The following TANC2 variants were observed in gnomAD, a reference collection of about 807,000 sequenced individuals.
The protein encoded by TANC2 is protein TANC2.
A neutral mutation model predicts 210.5 loss-of-function variants in TANC2; 26 were observed. The ratio of observed to expected loss-of-function variants is 0.12; its 90% CI spans 0.09 to 0.17. The LOEUF is 0.17. Among genes scored for constraint, TANC2 ranks in the 10% least tolerant of loss-of-function variants. TANC2 has a pLI of 1.00. For synonymous variants in TANC2, 931 were observed against 967.1 expected (o/e 0.96, Z 0.69); for missense variants, 2,129 against 2,608.9 (o/e 0.82, Z 4.01).
intron 8 of TANC2, among the ~76,000 whole-genome samples, chr17:63,239,953 G>T (rs1239863322): frequency 6.6e-6 from 1 of 152,056 alleles, no homozygotes; most frequent in African/African-American, 2.4e-5. Flanking sequence ...ACTTTTAAAT[G>T]ACCCATTCTC....
intron 3 of TANC2, among the ~76,000 whole-genome samples, chr17:63,098,862 A>G (rs78652019): frequency 1.0e-4 from 9 of 87,412 alleles, no homozygotes; most frequent in Non-Finnish European, 2.1e-4. Flanking sequence ...GTCTTATCAG[A>G]AAAAAAAGTA....
At chr17:63,086,429 C>T (rs2036966762) in intron 3 of TANC2, among the ~76,000 whole-genome samples, 1 of 152,002 alleles carries the variant, frequency 6.6e-6, no homozygotes, top group Non-Finnish European at 1.5e-5. Flanking sequence ...TTTTTATTGA[C>T]ATATCCTGAA....
intron 4 of TANC2, among the ~76,000 whole-genome samples, chr17:63,145,538 A>G (rs752164453): frequency 5.3e-5 from 8 of 152,086 alleles, no homozygotes; most frequent in Non-Finnish European, 4.4e-5. Flanking sequence ...GAGTTTTACA[A>G]TTTTAGCTCT....
chr17:62,970,590 C>T (rs1442344853), intron 1 of TANC2, among the ~76,000 whole-genome samples: 2 of 152,098 alleles, frequency 1.3e-5, no homozygotes, highest in Non-Finnish European at 2.9e-5. Flanking sequence ...GTATACTAAT[C>T]CAGTCATTTC....
chr17:63,293,295 A>T (rs1412554179), intron 9 of TANC2, among the ~76,000 whole-genome samples: 2 of 152,220 alleles, frequency 1.3e-5, no homozygotes, highest in Non-Finnish European at 2.9e-5. Context: ...TTTGGTGCTA[A>T]TGTGATACCA....
chr17:63,041,735 CAT>C (rs1388040592), intron 2 of TANC2, among the ~76,000 whole-genome samples: 4 of 152,174 alleles, frequency 2.6e-5, no homozygotes, highest in East Asian at 1.9e-4. Flanking sequence ...TAATGAATAA[CAT>C]AATTTCAGAA....
intron 15 of TANC2, among the ~76,000 whole-genome samples, chr17:63,384,477 T>C (rs568154099): frequency 2.0e-5 from 3 of 152,220 alleles, no homozygotes; most frequent in East Asian, 3.9e-4. Context: ...TACACACATA[T>C]ATATATTTGG....
At chr17:63,287,439 A>C (rs893599303) in intron 9 of TANC2, among the ~76,000 whole-genome samples, 1 of 152,144 alleles carries the variant, frequency 6.6e-6, no homozygotes, top group African/African-American at 2.4e-5. Flanking sequence ...TTCTTTGCAT[A>C]CCTGATAATC....
intron 11 of TANC2, among the ~76,000 whole-genome samples, chr17:63,338,672 C>T (rs2046118735): frequency 6.6e-6 from 1 of 152,176 alleles, no homozygotes; most frequent in Non-Finnish European, 1.5e-5. Context: ...AAATAATCAC[C>T]AGTCTATCTG....
chr17:63,332,072 C>G (rs1299406417), intron 11 of TANC2: 1 of 329,852 alleles, frequency 3.0e-6, no homozygotes, highest in Non-Finnish European at 5.9e-6. Flanking sequence ...TAGAGTCTTC[C>G]TGAATAATTT....
At chr17:63,310,131 T>C (rs1330465254) in intron 9 of TANC2, among the ~76,000 whole-genome samples, 1 of 152,146 alleles carries the variant, frequency 6.6e-6, no homozygotes, top group Admixed American at 6.5e-5. Flanking sequence ...CGACATAAAC[T>C]GTTTCAACTT....
chr17:63,180,092 C>A (rs1466553918), intron 5 of TANC2, among the ~76,000 whole-genome samples: 1 of 151,692 alleles, frequency 6.6e-6, no homozygotes, highest in Admixed American at 6.6e-5. Flanking sequence ...CTGATCGTGT[C>A]ACTGAACTCC....
chr17:63,138,064 A>G (rs2039152879), intron 4 of TANC2, among the ~76,000 whole-genome samples: 1 of 152,108 alleles, frequency 6.6e-6, no homozygotes, highest in Non-Finnish European at 1.5e-5. Context: ...AGCTTGAAGG[A>G]GGTATGATTG....
At chr17:63,231,051 G>A (rs563839428) in intron 7 of TANC2, among the ~76,000 whole-genome samples, 1 of 151,940 alleles carries the variant, frequency 6.6e-6, no homozygotes, top group African/African-American at 2.4e-5. Flanking sequence ...AATCTTTGTT[G>A]GTTTAAAGTC....
chr17:63,058,616 G>A (rs1490093409), intron 2 of TANC2, among the ~76,000 whole-genome samples: 1 of 152,002 alleles, frequency 6.6e-6, no homozygotes, highest in Non-Finnish European at 1.5e-5. Context: ...TAAGGAAGGG[G>A]TCCAGTTTCA....
At position 63,009,639 on chromosome 17, in the gene TANC2, G is replaced by C; in HGVS notation, c.67+13G>C. Reference sequence around the variant, plus strand: ...AACAGGTCAAGTGGTAAGTGACTATGCTACATTTATTGTGCGTGATATTTT... The same window carrying C: ...AACAGGTCAAGTGGTAAGTGACTATCCTACATTTATTGTGCGTGATATTTT... On this transcript the variant is annotated intron_variant, in intron 2 of 27. Transcript: ENST00000689528. 4 of 1,609,664 alleles carry C rather than the reference G, an allele frequency of 2.5e-6. No individual in the cohort carries two copies. The highest frequency in any genetic ancestry group is 3.4e-6 in the Non-Finnish European group (4 of 1,176,482).
chr17:63,390,070 C>G (rs2047917097), intron 17 of TANC2: 2 of 164,618 alleles, frequency 1.2e-5, no homozygotes, highest in South Asian at 3.1e-4. Flanking sequence ...AAGGGCACCT[C>G]GAAGTGCTTC....
In TANC2 at chr17:63,349,218, CTT is replaced by C. The variant is rs546623107; in HGVS notation, c.1808-2030_1808-2029del. Among the ~76,000 whole-genome samples the C allele has an allele frequency of 5.3e-5, 8 of 152,258 alleles. 1 individual carries two copies. In the South Asian group the frequency reaches 1.5e-3, roughly 28 times the overall value. ...AAAATAAAAAATAATATATCATCTA[CTT>C]TACTCATGGGCTTAATCTACTAAGA... On this transcript the variant is annotated intron_variant, in intron 12 of 27. Coordinates refer to ENST00000689528, the Ensembl canonical transcript of TANC2.
intron 14 of TANC2, among the ~76,000 whole-genome samples, chr17:63,357,909 T>C (rs1318423769): frequency 6.6e-6 from 1 of 152,218 alleles, no homozygotes; most frequent in Admixed American, 6.5e-5. Flanking sequence ...AAAGCATCTT[T>C]CAGTAGATCA....
Sources: gnomAD v4.1 joint callset for allele counts (sites outside exome capture counted in the v4.1 genomes callset) on GRCh38, gnomAD v4.1.1 for gene constraint, MANE v1.5 for transcripts, NCBI Gene and HGNC (gene_info 2026-07-23, HGNC 2026-07-21) for gene names.